The following SOX5 variants were observed in gnomAD, a reference collection of about 807,000 sequenced individuals.
SOX5 encodes transcription factor SOX-5.
In SOX5, 9 loss-of-function variants were observed where a neutral mutation model predicts 92.0. The observed-to-expected ratio is 0.10, with a 90% CI of 0.06 to 0.17. The LOEUF is 0.17. Among genes scored for constraint, SOX5 ranks in the 10% least tolerant of loss-of-function variants. The pLI is 1.00. For synonymous variants in SOX5, 344 were observed against 336.3 expected, an observed-to-expected ratio of 1.02 and a Z score of -0.25; for missense variants, 642 against 944.5, an observed-to-expected ratio of 0.68 and a Z score of 4.20.
intron 1 of SOX5, among the ~76,000 whole-genome samples, chr12:24,515,400 G>A (rs139534520): frequency 1.2e-3 from 186 of 152,168 alleles, no homozygotes; most frequent in African/African-American, 3.8e-3. Flanking sequence ...GTTGTTATTC[G>A]TATTATTATT....
chr12:24,339,837 T>C (rs1952368327), intron 2 of SOX5, among the ~76,000 whole-genome samples: 1 of 152,178 alleles, frequency 6.6e-6, no homozygotes, highest in Non-Finnish European at 1.5e-5. Context: ...ATAAGGAAAG[T>C]TGGTGCAGAG....
intron 6 of SOX5, among the ~76,000 whole-genome samples, chr12:23,701,767 G>T (rs908048991): frequency 6.6e-6 from 1 of 152,062 alleles, no homozygotes; most frequent in African/African-American, 2.4e-5. Context: ...GGTAGTTTGT[G>T]CCAGATCCCA....
chr12:23,552,382 A>G (rs1419926308), intron 11 of SOX5, among the ~76,000 whole-genome samples: 1 of 151,816 alleles, frequency 6.6e-6, no homozygotes, highest in Non-Finnish European at 1.5e-5. Context: ...GGGAAACTCA[A>G]TGATAATAAT....
chr12:24,152,278 T>C (rs571819227), intron 4 of SOX5, among the ~76,000 whole-genome samples: 14 of 152,346 alleles, frequency 9.2e-5, no homozygotes, highest in African/African-American at 3.4e-4. Context: ...TCACACGTCA[T>C]TGATTAAAGA....
At chr12:24,547,040 T>C (rs536887700) in intron 1 of SOX5, among the ~76,000 whole-genome samples, 14 of 152,050 alleles carry the variant, frequency 9.2e-5, no homozygotes, top group Non-Finnish European at 1.2e-4. Context: ...AGTAACTGTA[T>C]TACTAAACTG....
chr12:23,633,658 G>A (rs550944264), intron 8 of SOX5, among the ~76,000 whole-genome samples: 1 of 152,176 alleles, frequency 6.6e-6, no homozygotes, highest in African/African-American at 2.4e-5. Flanking sequence ...GGTAAACTCA[G>A]TGTATGGAGC....
At chr12:23,743,319 C>A (rs2093865144) in intron 4 of SOX5, among the ~76,000 whole-genome samples, 1 of 151,018 alleles carries the variant, frequency 6.6e-6, no homozygotes, top group African/African-American at 2.4e-5. Flanking sequence ...TTTCTTTTTT[C>A]TTTTTTTTGA....
At chr12:24,544,437 A>G (rs1566436553) in intron 1 of SOX5, among the ~76,000 whole-genome samples, 1 of 152,238 alleles carries the variant, frequency 6.6e-6, no homozygotes, top group Non-Finnish European at 1.5e-5. Context: ...CAATGGAAGA[A>G]CATTCAAAAG....
At chr12:23,686,317 G>C (rs774327829) in intron 6 of SOX5, among the ~76,000 whole-genome samples, 17 of 152,162 alleles carry the variant, frequency 1.1e-4, no homozygotes, top group Non-Finnish European at 1.9e-4. Context: ...CCAATGTTAT[G>C]ACCATCCTGT....
At chr12:24,359,001 G>T (rs1383031683) in intron 2 of SOX5, among the ~76,000 whole-genome samples, 1 of 152,134 alleles carries the variant, frequency 6.6e-6, no homozygotes, top group Non-Finnish European at 1.5e-5. Context: ...CATCAAAATT[G>T]TATCCTGGAA....
chr12:23,756,858 G>T (rs2094399546), intron 3 of SOX5, among the ~76,000 whole-genome samples: 1 of 151,812 alleles, frequency 6.6e-6, no homozygotes, highest in South Asian at 2.1e-4. Context: ...ATTAGAAACT[G>T]GTTAATTTTC....
At chr12:24,303,992 G>A (rs1445233121) in intron 2 of SOX5, among the ~76,000 whole-genome samples, 3 of 152,146 alleles carry the variant, frequency 2.0e-5, no homozygotes, top group Non-Finnish European at 2.9e-5. Flanking sequence ...AATGGAGCTC[G>A]ATGGTTCTTT....
chr12:24,018,730 G>A (rs1354120571), intron 4 of SOX5, among the ~76,000 whole-genome samples: 1 of 152,100 alleles, frequency 6.6e-6, no homozygotes, highest in Non-Finnish European at 1.5e-5. Flanking sequence ...CTGGGAGGCG[G>A]AGGTTGCAGT....
chr12:23,960,514 CATAT>C (rs61480895), intron 4 of SOX5, among the ~76,000 whole-genome samples: 7,923 of 106,876 alleles, frequency 0.074, 597 homozygotes, highest in East Asian at 0.42. Flanking sequence ...TATTTATATA[CATAT>C]ATATATATAT....
In SOX5 at chr12:23,937,662, A is replaced by G. The variant is rs557150362; in HGVS notation, c.38+11902T>C. Reference sequence around the variant, plus strand: ...GGCCACTTGCTTAGTGTTGTCTGGTATTATTTAATATCCTGAGGCAGAGCA... The same window carrying G: ...GGCCACTTGCTTAGTGTTGTCTGGTGTTATTTAATATCCTGAGGCAGAGCA... On this transcript the variant is annotated intron_variant, in intron 1 of 14. Coordinates refer to ENST00000451604, the MANE Select transcript of SOX5 (RefSeq NM_006940.6). Among the ~76,000 whole-genome samples, 17 of 150,966 alleles carry G rather than the reference A, an allele frequency of 1.1e-4. 1 individual carries two copies. In the South Asian group the frequency reaches 3.1e-3, roughly 28 times the overall value.
chr12:24,175,619 T>C (rs1954721081), intron 4 of SOX5, among the ~76,000 whole-genome samples: 1 of 152,218 alleles, frequency 6.6e-6, no homozygotes, highest in Non-Finnish European at 1.5e-5. Flanking sequence ...TATATTTTAT[T>C]TGTATGTGTG....
intron 4 of SOX5, among the ~76,000 whole-genome samples, chr12:24,173,460 C>T (rs1015510694): frequency 1.3e-5 from 2 of 152,188 alleles, no homozygotes; most frequent in African/African-American, 4.8e-5. Context: ...ATTTTGAGAC[C>T]TAATCAATGT....
At chr12:24,209,668 A>T (rs1958380997) in intron 4 of SOX5, among the ~76,000 whole-genome samples, 1 of 152,136 alleles carries the variant, frequency 6.6e-6, no homozygotes, top group South Asian at 2.1e-4. Context: ...CCACCTCCCA[A>T]ATTACTTTTT....
chr12:23,788,448 T>A (rs2095417754), intron 3 of SOX5, among the ~76,000 whole-genome samples: 1 of 152,042 alleles, frequency 6.6e-6, no homozygotes, highest in African/African-American at 2.4e-5. Flanking sequence ...TTTAGTAAAC[T>A]ACGTGCTTGT....
Sources: allele counts gnomAD v4.1 joint callset (sites outside exome capture counted in the v4.1 genomes callset), GRCh38; gene constraint gnomAD v4.1.1; transcripts MANE v1.5; gene names NCBI Gene and HGNC (gene_info 2026-07-23, HGNC 2026-07-21).